Variants in ZBTB49 observed in about 807,000 individuals in gnomAD.
The protein encoded by ZBTB49 is zinc finger and BTB domain-containing protein 49.
Under a neutral mutation model 57.5 loss-of-function variants are expected in ZBTB49, and 43 were observed. The observed-to-expected ratio is 0.75, with a 90% CI of 0.59 to 0.97. The LOEUF (loss-of-function observed/expected upper bound fraction) is 0.97. Ranked by LOEUF, ZBTB49 falls within the 50% of genes least tolerant of loss-of-function variation. The pLI is 0.00. For synonymous variants in ZBTB49, 369 were observed against 362.1 expected (o/e 1.02, Z -0.22); for missense variants, 938 against 947.7 (o/e 0.99, Z 0.13).
intron 4 of ZBTB49, among the ~76,000 whole-genome samples, chr4:4,312,423 A>C (rs570436846): frequency 6.6e-6 from 1 of 152,330 alleles, no homozygotes; most frequent in East Asian, 1.9e-4. Context: ...TATTCTTCGC[A>C]AAGCCTTGCT....
chr4:4,307,593 C>T (rs187969146), intron 4 of ZBTB49, among the ~76,000 whole-genome samples: 43 of 152,266 alleles, frequency 2.8e-4, no homozygotes, highest in African/African-American at 9.4e-4. Context: ...GCTCAAGAAA[C>T]GCCAGCATTC....
intron 5 of ZBTB49, among the ~76,000 whole-genome samples, chr4:4,315,095 C>T (rs1378129464): frequency 6.6e-6 from 1 of 152,180 alleles, no homozygotes; most frequent in East Asian, 1.9e-4. Context: ...CCTCTTGGTC[C>T]CTGAGACTCT....
chr4:4,298,516 T>A (rs1720324409), intron 1 of ZBTB49, among the ~76,000 whole-genome samples: 1 of 151,968 alleles, frequency 6.6e-6, no homozygotes, highest in South Asian at 2.1e-4. Context: ...AGCCTCAACC[T>A]TCTGGCCTCA....
At chr4:4,310,468 G>A (rs1266454161) in intron 4 of ZBTB49, among the ~76,000 whole-genome samples, 2 of 151,814 alleles carry the variant, frequency 1.3e-5, no homozygotes, top group Non-Finnish European at 2.9e-5. Flanking sequence ...TTCATTCATA[G>A]TAAGTTCTTA....
chr4:4,305,517 A>G (rs1372827), intron 3 of ZBTB49, among the ~76,000 whole-genome samples: 76,697 of 152,046 alleles, frequency 0.5, 19,616 homozygotes, highest in Middle Eastern at 0.61. Context: ...GTAGAGTACC[A>G]TTCTTAGAAT....
chr4:4,295,091 T>TA (rs1278744630), intron 1 of ZBTB49, among the ~76,000 whole-genome samples: 1 of 152,172 alleles, frequency 6.6e-6, no homozygotes, highest in African/African-American at 2.4e-5. Context: ...ATTGGGTTCT[T>TA]AGAGACTTGC....
Position 4,315,706 on chromosome 4 carries a change from A to T in ZBTB49, c.1447A>T (p.Ile483Phe). ...AGGAGAAAAACCACACTTGTGTGAC[A>T]TCTGTGGTCGAGGTACAGCTGAGTG... ...HSGEKPHLCDICGRGFSNFSN... is the reference protein window; with the variant it reads ...HSGEKPHLCDFCGRGFSNFSN... Residue 483 changes from isoleucine to phenylalanine, a missense_variant, in exon 6 of 8, where the codon ATC becomes TTC. Physicochemically the swap from Ile to Phe is conservative, Grantham distance 21. Around this residue, in one of 3 missense-constraint regions of ZBTB49, gnomAD observed 835 missense variants for 819.1 expected, o/e 1.02. Coordinates refer to ENST00000337872, the MANE Select transcript of ZBTB49 (RefSeq NM_145291.4). 6.2e-7 allele frequency: 1 copy of T among 1,614,154 alleles called. No individual in the cohort carries two copies.
Position 4,303,022 on chromosome 4 carries a change from G to C in ZBTB49, c.1186G>C (p.Ala396Pro). The change falls in exon 3 of 8, where the codon GCG becomes CCG. Residue 396 changes from alanine (A) to proline (P), a missense_variant. By Grantham distance (27) the Ala-to-Pro change is conservative. Coordinates refer to ENST00000337872, the MANE Select transcript of ZBTB49 (RefSeq NM_145291.4). ...SQTLQSQRQY[A>P]CELCGKPFKH... is the part of the protein sequence containing the mutation. ...GACACTTCAGTCCCAGAGACAATAC[G>C]CGTGTGAATTATGCGGGAAACCTTT... The C allele has an allele frequency of 6.2e-7, 1 of 1,613,982 alleles. No individual in the cohort carries two copies.
chr4:4,321,484 T>G lies in ZBTB49; in HGVS notation c.*168T>G, dbSNP rs771281978. ...TCTGAAGCATCTTGAGCTGGGGGTGTGAGGGGGAGGGCCTGCTGGCTCACC... is the reference window on the plus strand; with the variant it reads ...TCTGAAGCATCTTGAGCTGGGGGTGGGAGGGGGAGGGCCTGCTGGCTCACC... On this transcript the variant is annotated 3_prime_UTR_variant, in exon 8 of 8. Coordinates refer to ENST00000337872, the MANE Select transcript of ZBTB49 (RefSeq NM_145291.4). The G allele has an allele frequency of 1.4e-5, 11 of 788,150 alleles. No individual in the cohort carries two copies. Among genetic ancestry groups the G allele is most frequent in the Non-Finnish European group, 2.2e-5 (11 of 511,170 alleles). The allele number at this position is 788,150 out of a possible 1,614,324, so 48.8% of individuals were successfully genotyped here.
intron 5 of ZBTB49, among the ~76,000 whole-genome samples, chr4:4,315,009 C>T (rs2980181): frequency 0.49 from 74,896 of 152,140 alleles, 18,695 homozygotes; most frequent in East Asian, 0.8. Flanking sequence ...GACTGATAGG[C>T]GTAAGTCTCT....
At chr4:4,294,310 T>A (rs965642895) in intron 1 of ZBTB49, among the ~76,000 whole-genome samples, 3 of 152,080 alleles carry the variant, frequency 2.0e-5, no homozygotes, top group Admixed American at 2.0e-4. Flanking sequence ...AGGTACAGGA[T>A]TGACATCATG....
Position 4,306,138 on chromosome 4 carries a change from G to T in ZBTB49, c.1256G>T (p.Gly419Val). The T allele has an allele frequency of 6.2e-7, 1 of 1,612,364 alleles. No homozygotes were observed. The highest frequency in any genetic ancestry group is 1.1e-5 in the South Asian group (1 of 90,682). Residue 419 changes from glycine (G) to valine (V), a missense_variant and splice_region_variant, in exon 4 of 8, where the codon GGT (glycine) becomes GTT (valine). Gly to Val is a moderately radical substitution (Grantham distance 109, BLOSUM62 -3). This residue lies in a region of ZBTB49 where 835 missense variants were observed against 819.1 expected (regional missense o/e 1.02). Coordinates refer to ENST00000337872, the MANE Select transcript of ZBTB49 (RefSeq NM_145291.4). Reference sequence around the variant, plus strand: ...AAGTTGTTGTTTTGTTTTGTTTTAGGTGAGAAACCTTTTGAATGTAACATT... The same window carrying T: ...AAGTTGTTGTTTTGTTTTGTTTTAGTTGAGAAACCTTTTGAATGTAACATT... ...NLELHKRSHT[G>V]EKPFECNICG...
intron 1 of ZBTB49, among the ~76,000 whole-genome samples, chr4:4,297,587 C>G (rs549281668): frequency 7.4e-4 from 113 of 152,128 alleles, no homozygotes; most frequent in Non-Finnish European, 1.5e-3. Flanking sequence ...GAGTTCAAGG[C>G]CAGCCTGGGC....
chr4:4,320,745 C>T lies in ZBTB49; in HGVS notation c.1727C>T (p.Ala576Val), dbSNP rs1478557836. The change falls in exon 8 of 8, where the codon GCG becomes GTG. Residue 576 changes from alanine (A) to valine (V), a missense_variant. Physicochemically the swap from Ala to Val is moderately conservative, Grantham distance 64. Around this residue, in one of 3 missense-constraint regions of ZBTB49, gnomAD observed 835 missense variants for 819.1 expected, o/e 1.02. Coordinates refer to ENST00000337872, the MANE Select transcript of ZBTB49 (RefSeq NM_145291.4). ...TGTAACAAGTGCTTTACCCGCTCTG[C>T]GGTGCTCCGGCGGCACAAGAAGATG... is the stretch of plus-strand genomic sequence containing the variant. ...EICNKCFTRSAVLRRHKKMHC... is the reference protein window; with the variant it reads ...EICNKCFTRSVVLRRHKKMHC... 12 of 1,614,110 alleles carry T rather than the reference C, an allele frequency of 7.4e-6. No homozygotes were observed. The highest frequency in any genetic ancestry group is 2.2e-5 in the South Asian group (2 of 91,090).
Position 4,321,522 on chromosome 4 carries a change from C to A in ZBTB49, c.*206C>A, listed in dbSNP as rs112501730. 7 of 596,806 alleles carry A rather than the reference C, an allele frequency of 1.2e-5. No homozygotes were observed. The highest frequency in any genetic ancestry group is 5.6e-5 in the African/African-American group (3 of 53,604). The allele number at this position is 596,806 out of a possible 1,614,324, so 37.0% of individuals were successfully genotyped here. Reference sequence around the variant, plus strand: ...CTGCTGGCTCACCGTGAGGCAGCCGCGGGAGGGAGCGCTGACGTCACAGAA... The same window carrying A: ...CTGCTGGCTCACCGTGAGGCAGCCGAGGGAGGGAGCGCTGACGTCACAGAA... On this transcript the variant is annotated 3_prime_UTR_variant, in exon 8 of 8. Transcript: ENST00000337872.
intron 1 of ZBTB49, among the ~76,000 whole-genome samples, chr4:4,298,576 G>C (rs553181764): frequency 6.6e-6 from 1 of 152,054 alleles, no homozygotes; most frequent in African/African-American, 2.4e-5. Flanking sequence ...ACAGGCATGT[G>C]CCACCATGCC....
chr4:4,299,117 A>G (rs929959595), intron 1 of ZBTB49, among the ~76,000 whole-genome samples: 2 of 152,172 alleles, frequency 1.3e-5, no homozygotes, highest in Admixed American at 1.3e-4. Context: ...AGGCCTGGGC[A>G]TGACCTGACC....
intron 5 of ZBTB49, among the ~76,000 whole-genome samples, chr4:4,314,957 T>C (rs1721124973): frequency 6.6e-6 from 1 of 152,244 alleles, no homozygotes; most frequent in Non-Finnish European, 1.5e-5. Flanking sequence ...CAGTGAATGC[T>C]GGTTCCCTTT....
At chr4:4,301,687 T>C (rs1157429142) in intron 2 of ZBTB49, among the ~76,000 whole-genome samples, 2 of 152,112 alleles carry the variant, frequency 1.3e-5, no homozygotes, top group Non-Finnish European at 2.9e-5. Context: ...AACTTCTTGA[T>C]TTGTGGTTTA....
Sources: gnomAD v4.1 joint callset for allele counts (sites outside exome capture counted in the v4.1 genomes callset) on GRCh38, gnomAD v4.1.1 for gene constraint, gnomAD v4.1.1 regional missense constraint, MANE v1.5 for transcripts, NCBI Gene and HGNC (gene_info 2026-07-23, HGNC 2026-07-21) for gene names.